ELF2: variants seen among roughly 807,000 people sequenced by gnomAD.
The protein encoded by ELF2 is E74 like ETS transcription factor 2, also known as ETS-related transcription factor Elf-2.
A neutral mutation model predicts 54.8 loss-of-function variants in ELF2; 11 were observed. The observed-to-expected ratio is 0.20, with a 90% CI of 0.13 to 0.33. The LOEUF (loss-of-function observed/expected upper bound fraction) is 0.33. Among genes scored for constraint, ELF2 ranks in the 10% least tolerant of loss-of-function variants. ELF2 has a pLI of 1.00. For missense variants in ELF2, 513 were observed against 703.0 expected (o/e 0.73, Z 3.06); for synonymous variants, 203 against 245.1 (o/e 0.83, Z 1.61).
intron 1 of ELF2, among the ~76,000 whole-genome samples, chr4:139,151,282 A>G (rs1739971577): frequency 6.6e-6 from 1 of 152,238 alleles, no homozygotes; most frequent in South Asian, 2.1e-4. Flanking sequence ...TTAAGAAAAA[A>G]TTATTAGATG....
At chr4:139,165,259 A>C (rs531461853) in intron 1 of ELF2, among the ~76,000 whole-genome samples, 2 of 152,318 alleles carry the variant, frequency 1.3e-5, no homozygotes, top group African/African-American at 4.8e-5. Flanking sequence ...TTTGATTATT[A>C]CTGTGGTTAA....
intron 4 of ELF2, among the ~76,000 whole-genome samples, chr4:139,094,933 A>G (rs1162580555): frequency 6.6e-6 from 1 of 151,284 alleles, no homozygotes; most frequent in Admixed American, 6.6e-5. Context: ...TTTCTTATTG[A>G]TTATTGCTCT....
intron 4 of ELF2, among the ~76,000 whole-genome samples, chr4:139,106,118 A>G (rs994536703): frequency 2.6e-5 from 4 of 152,242 alleles, no homozygotes; most frequent in Non-Finnish European, 4.4e-5. Context: ...TTAAACCAAC[A>G]AAGAGGTCAT....
chr4:139,136,628 T>C (rs1486645754), intron 3 of ELF2: 1 of 151,930 alleles, frequency 6.6e-6, no homozygotes, highest in African/African-American at 2.4e-5. Context: ...TTATGACGGC[T>C]ATTGAATTAT....
At chr4:139,094,865 G>T (rs1337515753) in intron 4 of ELF2, among the ~76,000 whole-genome samples, 1 of 151,722 alleles carries the variant, frequency 6.6e-6, no homozygotes, top group Non-Finnish European at 1.5e-5. Flanking sequence ...CCTAGTAAAG[G>T]GTGTTTTGTT....
chr4:139,128,339 A>C (rs192475214), intron 3 of ELF2, among the ~76,000 whole-genome samples: 229 of 152,248 alleles, frequency 1.5e-3, no homozygotes, highest in Non-Finnish European at 2.8e-3. Flanking sequence ...CTGATCTTTA[A>C]CTGAAGTTAA....
In ELF2 at chr4:139,156,262, G is replaced by A. The variant is rs560584567; in HGVS notation, c.-251-16765C>T. 2.2e-4 allele frequency among the ~76,000 whole-genome samples: 33 copies of A among 151,530 alleles called. No individual in the cohort carries two copies. In the East Asian group the frequency reaches 2.3e-3, roughly 11 times the overall value. On this transcript the variant is annotated intron_variant, in intron 1 of 9. Coordinates refer to ENST00000686138, the MANE Select transcript of ELF2 (RefSeq NM_001331036.3). ...GCGATCTCAGCTCACCGCAAGCTCCGCCTCCCGGGTTCACGCCATTCTCCT... is the reference window on the plus strand; with the variant it reads ...GCGATCTCAGCTCACCGCAAGCTCCACCTCCCGGGTTCACGCCATTCTCCT...
rs144378182 is a variant in ELF2, at chr4:139,100,138, C to T, written c.238+25026G>A. ...GCTCTGGGTTAAATCCTTGCTTCCA[C>T]CACTTAAATAGCTATCTAGCCTTGG... is the stretch of plus-strand genomic sequence containing the variant. On this transcript the variant is annotated intron_variant, in intron 4 of 9. Coordinates refer to ENST00000686138, the MANE Select transcript of ELF2 (RefSeq NM_001331036.3). Among the ~76,000 whole-genome samples, 927 of 152,278 alleles carry T rather than the reference C, an allele frequency of 6.1e-3. 12 individuals are homozygous for T. Among genetic ancestry groups the T allele is most frequent in the African/African-American group, 0.021 (892 of 41,548 alleles).
chr4:139,135,093 T>C (rs1737990982), intron 3 of ELF2, among the ~76,000 whole-genome samples: 1 of 151,968 alleles, frequency 6.6e-6, no homozygotes. Flanking sequence ...ATAGTGATAA[T>C]AAAACTCCAG....
intron 1 of ELF2, among the ~76,000 whole-genome samples, chr4:139,146,111 G>A (rs889873899): frequency 1.2e-4 from 18 of 152,110 alleles, no homozygotes; most frequent in Admixed American, 1.3e-4. Flanking sequence ...TGATATGATC[G>A]TATACCTACA....
chr4:139,081,157 T>A (rs1731057969), intron 4 of ELF2, among the ~76,000 whole-genome samples: 1 of 152,138 alleles, frequency 6.6e-6, no homozygotes, highest in African/African-American at 2.4e-5. Context: ...TTCTCATACA[T>A]CATATTGTCC....
intron 4 of ELF2, among the ~76,000 whole-genome samples, chr4:139,087,964 C>G (rs933487226): frequency 6.6e-6 from 1 of 151,928 alleles, no homozygotes; most frequent in Non-Finnish European, 1.5e-5. Context: ...TTACAAGGAC[C>G]CATATATAAT....
chr4:139,114,298 T>A (rs1735297406), intron 4 of ELF2, among the ~76,000 whole-genome samples: 1 of 152,076 alleles, frequency 6.6e-6, no homozygotes, highest in Non-Finnish European at 1.5e-5. Flanking sequence ...GGCCGGGGCA[T>A]GGTTGCTCAC....
chr4:139,086,588 C>T (rs1292391786), intron 4 of ELF2, among the ~76,000 whole-genome samples: 1 of 152,118 alleles, frequency 6.6e-6, no homozygotes, highest in Non-Finnish European at 1.5e-5. Context: ...ACTTATTCAA[C>T]AAATTATTAT....
intron 7 of ELF2, among the ~76,000 whole-genome samples, chr4:139,063,723 T>G (rs1728232384): frequency 6.6e-6 from 1 of 152,144 alleles, no homozygotes; most frequent in Non-Finnish European, 1.5e-5. Context: ...CATAATTAAT[T>G]ATATTCCAAA....
chr4:139,089,519 C>T (rs1732360285), intron 4 of ELF2, among the ~76,000 whole-genome samples: 1 of 152,134 alleles, frequency 6.6e-6, no homozygotes, highest in Admixed American at 6.5e-5. Context: ...TTTATACTTT[C>T]ACATGTGTAT....
chr4:139,076,699 T>C (rs956591922), intron 4 of ELF2, among the ~76,000 whole-genome samples: 1 of 152,160 alleles, frequency 6.6e-6, no homozygotes, highest in Non-Finnish European at 1.5e-5. Flanking sequence ...ATAAACAAAA[T>C]GAAATTTGCC....
At chr4:139,060,220 T>G in intron 9 of ELF2, 104 bp downstream of exon 9, 2 of 1,036,640 alleles carry the variant, frequency 1.9e-6, no homozygotes, top group Non-Finnish European at 2.7e-6. Flanking sequence ...CTGACAACAC[T>G]GGGTTCTTAG....
intron 4 of ELF2, among the ~76,000 whole-genome samples, chr4:139,097,663 A>G (rs1031800298): frequency 2.8e-4 from 42 of 152,122 alleles, no homozygotes; most frequent in Admixed American, 3.9e-4. Context: ...AATGCTTTCA[A>G]TGTTATTTAG....
Sources: allele counts gnomAD v4.1 joint callset (sites outside exome capture counted in the v4.1 genomes callset), GRCh38; gene constraint gnomAD v4.1.1; transcripts MANE v1.5; gene names NCBI Gene and HGNC (gene_info 2026-07-23, HGNC 2026-07-21).